The following EPHA6 variants were observed in gnomAD, a reference collection of about 807,000 sequenced individuals.
EPHA6 encodes ephrin type-A receptor 6.
In EPHA6, 50 loss-of-function variants were observed where a neutral mutation model predicts 112.0. The ratio of observed to expected loss-of-function variants is 0.45; its 90% CI spans 0.36 to 0.56. The LOEUF is 0.56. EPHA6 is among the 20% of genes least tolerant of loss of function. EPHA6 has a pLI of 0.00. For synonymous variants in EPHA6, 529 were observed against 490.7 expected, an observed-to-expected ratio of 1.08 and a Z score of -1.03; for missense variants, 1,280 against 1,417.4, an observed-to-expected ratio of 0.90 and a Z score of 1.56.
intron 3 of EPHA6, among the ~76,000 whole-genome samples, chr3:97,064,901 A>G (rs1380363441): frequency 4.6e-5 from 7 of 152,170 alleles, no homozygotes; most frequent in Non-Finnish European, 4.4e-5. Flanking sequence ...GACTGTTCTC[A>G]GAAAGCAAAT....
rs944487725 is a variant in EPHA6 at position 97,749,312 on chromosome 3, GA to G, written c.*618del. On this transcript the variant is annotated 3_prime_UTR_variant, in exon 18 of 18. Coordinates refer to ENST00000389672, the MANE Select transcript of EPHA6 (RefSeq NM_001080448.3). The stretch of plus-strand genomic sequence containing the variant: ...TGAGAAGGGGGTTATTAGGGAGGGA[GA>G]AAAAAATACTGTGTTTATAAATCTT... 2.4e-4 allele frequency: 51 copies of G among 214,370 alleles called. No homozygotes were observed. Among genetic ancestry groups the G allele is most frequent in the Middle Eastern group, 1.5e-3 (1 of 676 alleles). 13.3% of individuals were successfully genotyped at this position (214,370 alleles called of 1,614,324 possible). A position where few individuals can be genotyped will look rare whatever the true frequency, so the allele number is the denominator to read the frequency against.
intron 3 of EPHA6, among the ~76,000 whole-genome samples, chr3:97,018,287 C>T (rs2044334195): frequency 6.6e-6 from 1 of 151,856 alleles, no homozygotes; most frequent in Non-Finnish European, 1.5e-5. Flanking sequence ...CGGTGGGTCT[C>T]TCCCCATGTG....
intron 7 of EPHA6, among the ~76,000 whole-genome samples, chr3:97,451,461 T>C (rs2090527935): frequency 6.6e-6 from 1 of 151,802 alleles, no homozygotes; most frequent in Admixed American, 6.6e-5. Context: ...TGACTTTGAT[T>C]AAAACCTTGA....
At chr3:96,848,753 T>C (rs2035223384) in intron 1 of EPHA6, among the ~76,000 whole-genome samples, 1 of 152,156 alleles carries the variant, frequency 6.6e-6, no homozygotes, top group Non-Finnish European at 1.5e-5. Flanking sequence ...GTGTCATGTT[T>C]ATATGCTTAA....
Position 97,270,658 on chromosome 3 carries a change from G to C in EPHA6, c.1606+26371G>C, listed in dbSNP as rs1042995208. ...GGCCATCTTGCCACAGTCATAACCA[G>C]TCAGAAGTGCATCAAGACTGACTGC... On this transcript the variant is annotated intron_variant, in intron 5 of 17. Coordinates refer to ENST00000389672, the MANE Select transcript of EPHA6 (RefSeq NM_001080448.3). 2.6e-5 allele frequency among the ~76,000 whole-genome samples: 4 copies of C among 152,172 alleles called. No homozygotes were observed. The East Asian group carries it at 7.7e-4, about 29-fold the overall frequency.
At chr3:96,937,128 A>G (rs980197039) in intron 2 of EPHA6, among the ~76,000 whole-genome samples, 1 of 152,166 alleles carries the variant, frequency 6.6e-6, no homozygotes, top group Admixed American at 6.5e-5. Flanking sequence ...TATACCCAGT[A>G]ATGGGATTGC....
At chr3:96,942,519 C>T (rs1466314408) in intron 2 of EPHA6, among the ~76,000 whole-genome samples, 1 of 152,200 alleles carries the variant, frequency 6.6e-6, no homozygotes, top group Admixed American at 6.5e-5. Context: ...TCTGTCACCC[C>T]TTTCTTTGAC....
intron 5 of EPHA6, among the ~76,000 whole-genome samples, chr3:97,359,616 T>A (rs1197742006): frequency 6.6e-6 from 1 of 152,114 alleles, no homozygotes; most frequent in Non-Finnish European, 1.5e-5. Flanking sequence ...ATTTCCTTGC[T>A]CCTTTGTGTG....
chr3:97,018,854 T>C (rs1009874482), intron 3 of EPHA6, among the ~76,000 whole-genome samples: 5 of 152,140 alleles, frequency 3.3e-5, no homozygotes, highest in African/African-American at 4.8e-5. Flanking sequence ...CGGGTGTTTT[T>C]CCTTGACACG....
In EPHA6 at chr3:97,108,052, A is replaced by G. The variant is rs369618055; in HGVS notation, c.1115-118212A>G. Among the ~76,000 whole-genome samples, 52 of 152,258 alleles carry G rather than the reference A, an allele frequency of 3.4e-4. No homozygotes were observed. The East Asian group carries it at 9.9e-3, about 29-fold the overall frequency. ...CTCACTAAGTTTGGCCTCCTTCAAA[A>G]CATAGCAGGATACCTTTTCTTATCC... On this transcript the variant is annotated intron_variant, in intron 3 of 17. Coordinates refer to ENST00000389672, the MANE Select transcript of EPHA6 (RefSeq NM_001080448.3).
chr3:96,814,748 G>C lies in EPHA6; in HGVS notation c.125G>C (p.Arg42Pro). 6.3e-7 allele frequency: 1 copy of C among 1,592,092 alleles called. No individual in the cohort carries two copies. The highest frequency in any genetic ancestry group is 8.6e-7 in the Non-Finnish European group (1 of 1,168,232). The change falls in exon 1 of 18, where the codon CGC (arginine) becomes CCC (proline). Residue 42 changes from arginine (R) to proline (P), a missense_variant. Transcript: ENST00000389672. ...GPSCPVPGTSRRGRPGTPPAG... is the reference protein window; with the variant it reads ...GPSCPVPGTSPRGRPGTPPAG... ...TCGTGCCCTGTTCCCGGGACCTCGC[G>C]CAGGGGGCGCCCCGGGACACCCCCT...
At chr3:96,865,952 A>C (rs1473124843) in intron 1 of EPHA6, among the ~76,000 whole-genome samples, 1 of 151,954 alleles carries the variant, frequency 6.6e-6, no homozygotes, top group Non-Finnish European at 1.5e-5. Context: ...TCTATCATCT[A>C]ACTTTCCCCA....
At chr3:97,179,718 T>TCC (rs1491491844) in intron 3 of EPHA6, among the ~76,000 whole-genome samples, 1 of 11,854 alleles carries the variant, frequency 8.4e-5, no homozygotes, top group African/African-American at 5.9e-4. Context: ...ACCTACAGAG[T>TCC]CTCTCTCTCT....
At chr3:97,258,959 G>A (rs1275660102) in intron 5 of EPHA6, among the ~76,000 whole-genome samples, 1 of 152,136 alleles carries the variant, frequency 6.6e-6, no homozygotes, top group Non-Finnish European at 1.5e-5. Context: ...TCCACTAGAA[G>A]GACACCTCTC....
At chr3:97,082,027 TTG>T (rs1298170202) in intron 3 of EPHA6, among the ~76,000 whole-genome samples, 1 of 151,702 alleles carries the variant, frequency 6.6e-6, no homozygotes, top group East Asian at 1.9e-4. Context: ...AAAATTGTCT[TTG>T]TTTTTTAATT....
chr3:96,931,640 G>A (rs2040331558), intron 2 of EPHA6, among the ~76,000 whole-genome samples: 1 of 152,234 alleles, frequency 6.6e-6, no homozygotes, highest in Admixed American at 6.5e-5. Flanking sequence ...ACAGCAGGCT[G>A]GAATGGCTGA....
chr3:97,596,889 T>TATATATATATAG (rs2093598330), intron 12 of EPHA6, among the ~76,000 whole-genome samples: 1 of 138,240 alleles, frequency 7.2e-6, no homozygotes, highest in Admixed American at 7.1e-5. Flanking sequence ...TATATATATA[T>TATATATATATAG]ATATATATAT....
intron 3 of EPHA6, among the ~76,000 whole-genome samples, chr3:97,157,949 C>T (rs895329228): frequency 2.6e-5 from 4 of 152,170 alleles, no homozygotes; most frequent in East Asian, 3.9e-4. Flanking sequence ...CAAGTTGACA[C>T]AAAAAATTAA....
At chr3:97,191,269 G>A (rs1373701650) in intron 3 of EPHA6, among the ~76,000 whole-genome samples, 1 of 151,556 alleles carries the variant, frequency 6.6e-6, no homozygotes, top group South Asian at 2.1e-4. Flanking sequence ...ATTACATCAG[G>A]GTAAATGATT....
Sources: gnomAD v4.1 joint callset for allele counts (sites outside exome capture counted in the v4.1 genomes callset) on GRCh38, gnomAD v4.1.1 for gene constraint, MANE v1.5 for transcripts, NCBI Gene and HGNC (gene_info 2026-07-23, HGNC 2026-07-21) for gene names.